The following POPDC1 variants were observed in gnomAD, a reference collection of about 807,000 sequenced individuals.
The protein encoded by POPDC1 is popeye domain cAMP effector 1.
the POPDC1 span, chr6:105,101,295 A>G: frequency 7.2e-7 from 1 of 1,381,650 alleles, no homozygotes; most frequent in Non-Finnish European, 9.5e-7. Flanking sequence ...ATAAATTCCA[A>G]CTGGAAAATA....
chr6:105,103,767 T>C, the POPDC1 span, among the ~76,000 whole-genome samples: 1 of 152,316 alleles, frequency 6.6e-6, no homozygotes, highest in Non-Finnish European at 1.5e-5. Context: ...ACAGTTATAT[T>C]GAGGCAGGTA....
chr6:105,133,717 ACCC>A, the POPDC1 span: 1 of 626,816 alleles, frequency 1.6e-6, no homozygotes, highest in Non-Finnish European at 2.7e-6. Flanking sequence ...AATTAGACAG[ACCC>A]AGATTCAAAT....
the POPDC1 span, chr6:105,136,782 G>C: frequency 1.3e-5 from 2 of 152,200 alleles, no homozygotes; most frequent in Admixed American, 1.3e-4. Flanking sequence ...CCAGCGAGGA[G>C]GGACAGAGGG....
At chr6:105,116,521 C>T in the POPDC1 span, among the ~76,000 whole-genome samples, 1 of 152,152 alleles carries the variant, frequency 6.6e-6, no homozygotes, top group Non-Finnish European at 1.5e-5. Context: ...ATTGTAGACT[C>T]CTTACTAAGT....
At chr6:105,128,264 T>C in the POPDC1 span, among the ~76,000 whole-genome samples, 1 of 152,250 alleles carries the variant, frequency 6.6e-6, no homozygotes, top group African/African-American at 2.4e-5. Context: ...AACTGGGCCA[T>C]GTCACTTGTT....
chr6:105,112,238 A>T, the POPDC1 span, among the ~76,000 whole-genome samples: 1 of 152,216 alleles, frequency 6.6e-6, no homozygotes, highest in Admixed American at 6.5e-5. Context: ...ACATATGCAG[A>T]AACACACACA....
At chr6:105,118,066 T>C in the POPDC1 span, among the ~76,000 whole-genome samples, 1 of 152,032 alleles carries the variant, frequency 6.6e-6, no homozygotes, top group Non-Finnish European at 1.5e-5. Context: ...CGAGACCTCA[T>C]CTCAAAAACA....
At chr6:105,124,467 G>A in the POPDC1 span, 9 of 926,360 alleles carry the variant, frequency 9.7e-6, no homozygotes, top group South Asian at 2.7e-5. Flanking sequence ...ATTCATAGCA[G>A]TGTTTCTATT....
At chr6:105,117,895 A>C in the POPDC1 span, among the ~76,000 whole-genome samples, 8 of 152,084 alleles carry the variant, frequency 5.3e-5, 1 homozygote, top group Admixed American at 5.2e-4. Flanking sequence ...AACATACACA[A>C]ATTAGATGGA....
the POPDC1 span, among the ~76,000 whole-genome samples, chr6:105,126,345 T>C: frequency 1.3e-5 from 2 of 151,758 alleles, no homozygotes; most frequent in African/African-American, 4.8e-5. Context: ...GGTGGGAGGA[T>C]TACTTGAGCC....
the POPDC1 span, among the ~76,000 whole-genome samples, chr6:105,104,890 CTTATT>C: frequency 0.034 from 5,123 of 152,250 alleles, 97 homozygotes; most frequent in African/African-American, 0.046. Context: ...TTCATGCTGT[CTTATT>C]TTATTTCTCA....
chr6:105,125,620 C>T, the POPDC1 span: 3 of 1,580,070 alleles, frequency 1.9e-6, no homozygotes, highest in Non-Finnish European at 2.6e-6. Flanking sequence ...AATGCAGCAG[C>T]AATCCCAAAA....
At chr6:105,107,704 A>C in the POPDC1 span, among the ~76,000 whole-genome samples, 1 of 152,214 alleles carries the variant, frequency 6.6e-6, no homozygotes, top group Non-Finnish European at 1.5e-5. Context: ...ATGTTTAACC[A>C]TCTGGCCAAC....
chr6:105,120,602 C>T, the POPDC1 span, among the ~76,000 whole-genome samples: 2 of 152,190 alleles, frequency 1.3e-5, no homozygotes, highest in Non-Finnish European at 2.9e-5. Context: ...GGACATCTTT[C>T]AGGTCGAGAA....
the POPDC1 span, chr6:105,125,571 A>G: frequency 6.2e-7 from 1 of 1,613,852 alleles, no homozygotes; most frequent in Non-Finnish European, 8.5e-7. Context: ...TTCCTTTTCA[A>G]TCTTTACCTG....
the POPDC1 span, among the ~76,000 whole-genome samples, chr6:105,107,770 A>G: frequency 6.6e-6 from 1 of 152,198 alleles, no homozygotes; most frequent in Admixed American, 6.5e-5. Flanking sequence ...TAGATTGTAC[A>G]ATTTTTGAAG....
chr6:105,116,412 C>T, the POPDC1 span, among the ~76,000 whole-genome samples: 2 of 152,118 alleles, frequency 1.3e-5, no homozygotes, highest in African/African-American at 4.8e-5. Context: ...TCCTCCCTAA[C>T]TTACTCCATC....
chr6:105,133,514 C>T, the POPDC1 span: 3 of 1,613,854 alleles, frequency 1.9e-6, no homozygotes, highest in South Asian at 3.3e-5. Context: ...ATGATACTTT[C>T]TAACTCAGGT....
chr6:105,124,276 G>A, the POPDC1 span, among the ~76,000 whole-genome samples: 2 of 151,266 alleles, frequency 1.3e-5, no homozygotes, highest in Admixed American at 1.3e-4. Flanking sequence ...CAGCTACTCA[G>A]GAGGTTGAGG....
Sources: allele counts gnomAD v4.1 joint callset (sites outside exome capture counted in the v4.1 genomes callset), GRCh38; gene constraint gnomAD v4.1.1; transcripts MANE v1.5; gene names NCBI Gene and HGNC (gene_info 2026-07-23, HGNC 2026-07-21).